The following CPA6 variants were observed in gnomAD, a reference collection of about 807,000 sequenced individuals.
CPA6 encodes carboxypeptidase A6, also known as carboxypeptidase B.
In CPA6, 58 loss-of-function variants were observed where a neutral mutation model predicts 63.3. That is an observed-to-expected ratio of 0.92 (90% CI 0.74 to 1.14). The LOEUF is 1.14. Among genes scored for constraint, CPA6 ranks in the 50% most tolerant of loss-of-function variants. The pLI is 0.00. For missense variants in CPA6, 565 were observed against 526.6 expected, an observed-to-expected ratio of 1.07 and a Z score of -0.71; for synonymous variants, 185 against 179.0, an observed-to-expected ratio of 1.03 and a Z score of -0.27.
chr8:67,660,134 T>C (rs1816074826), intron 1 of CPA6, among the ~76,000 whole-genome samples: 1 of 152,066 alleles, frequency 6.6e-6, no homozygotes, highest in African/African-American at 2.4e-5. Flanking sequence ...TGTAGCATAA[T>C]GGAAAGGCTT....
intron 1 of CPA6, among the ~76,000 whole-genome samples, chr8:67,654,983 G>A (rs927434525): frequency 2.0e-5 from 3 of 152,118 alleles, no homozygotes; most frequent in African/African-American, 7.2e-5. Flanking sequence ...AGATAATGCT[G>A]CCCCTTCATT....
Position 67,427,425 on chromosome 8 carries a change from A to G in CPA6, c.1126+622T>C, listed in dbSNP as rs76146736. Among the ~76,000 whole-genome samples, 1,399 of 152,272 alleles carry G rather than the reference A, an allele frequency of 9.2e-3. 16 individuals are homozygous for G. Among genetic ancestry groups the G allele is most frequent in the African/African-American group, 0.032 (1,318 of 41,550 alleles). On this transcript the variant is annotated intron_variant, in intron 10 of 10. Coordinates refer to ENST00000297770, the MANE Select transcript of CPA6 (RefSeq NM_020361.5). ...ATCCTGTACACATAGAATTAATAAA[A>G]TTTGTATACTTTTCTCTTGTTTAAC...
chr8:67,488,748 C>A (rs1030112951), intron 6 of CPA6, among the ~76,000 whole-genome samples: 2 of 152,176 alleles, frequency 1.3e-5, no homozygotes, highest in African/African-American at 2.4e-5. Flanking sequence ...GTTTGTAGTT[C>A]TCCTTGAAGA....
At chr8:67,660,496 ATTTTTTT>A (rs5892089) in intron 1 of CPA6, among the ~76,000 whole-genome samples, 8 of 78,922 alleles carry the variant, frequency 1.0e-4, no homozygotes, top group African/African-American at 1.8e-4. Flanking sequence ...TGCCCGGCTC[ATTTTTTT>A]TTTTTTTTTT....
chr8:67,503,472 T>A (rs969167751), intron 6 of CPA6, among the ~76,000 whole-genome samples: 102 of 140,870 alleles, frequency 7.2e-4, no homozygotes, highest in African/African-American at 2.9e-3. Context: ...AATTAAATTT[T>A]TTTTTTTTTT....
chr8:67,458,741 C>T (rs961991866), intron 8 of CPA6, among the ~76,000 whole-genome samples: 5 of 152,182 alleles, frequency 3.3e-5, no homozygotes, highest in African/African-American at 1.2e-4. Context: ...GGTTAAAGAC[C>T]TTAACAGACA....
At chr8:67,594,216 C>T (rs200609561) in intron 2 of CPA6, among the ~76,000 whole-genome samples, 2 of 152,208 alleles carry the variant, frequency 1.3e-5, no homozygotes, top group East Asian at 3.8e-4. Context: ...TTGGCCCCCA[C>T]TCTCTTCTGG....
At chr8:67,600,456 A>C (rs186023570) in intron 2 of CPA6, among the ~76,000 whole-genome samples, 15 of 152,308 alleles carry the variant, frequency 9.8e-5, no homozygotes, top group African/African-American at 3.6e-4. Flanking sequence ...TGTGATGACT[A>C]CAGTTAATAA....
chr8:67,657,297 A>G (rs1309011945), intron 1 of CPA6, among the ~76,000 whole-genome samples: 1 of 152,002 alleles, frequency 6.6e-6, no homozygotes, highest in Non-Finnish European at 1.5e-5. Flanking sequence ...GTGATTGTGA[A>G]TAGGAATAAA....
chr8:67,614,756 A>C (rs1587636247), intron 2 of CPA6, among the ~76,000 whole-genome samples: 1 of 151,964 alleles, frequency 6.6e-6, no homozygotes, highest in Non-Finnish European at 1.5e-5. Flanking sequence ...AACTCTCTAA[A>C]ACTCCCATGC....
intron 2 of CPA6, among the ~76,000 whole-genome samples, chr8:67,561,149 G>A (rs1813201457): frequency 6.6e-6 from 1 of 151,976 alleles, no homozygotes; most frequent in African/African-American, 2.4e-5. Context: ...ACTACAAATT[G>A]CTTATAGAAC....
chr8:67,472,311 T>C (rs560185980), intron 8 of CPA6, among the ~76,000 whole-genome samples: 54 of 149,800 alleles, frequency 3.6e-4, no homozygotes, highest in African/African-American at 1.2e-3. Context: ...ACTTCAAAAA[T>C]AGCATTTTTA....
At chr8:67,722,365 C>T (rs1817517577) in intron 1 of CPA6, among the ~76,000 whole-genome samples, 1 of 152,168 alleles carries the variant, frequency 6.6e-6, no homozygotes, top group Admixed American at 6.6e-5. Flanking sequence ...CAATTCAGTA[C>T]ATCTGGGGCA....
At chr8:67,582,746 C>CCTT (rs1554676677) in intron 2 of CPA6, among the ~76,000 whole-genome samples, 1 of 151,904 alleles carries the variant, frequency 6.6e-6, no homozygotes, top group South Asian at 2.1e-4. Context: ...TTTTTCATGT[C>CCTT]AGTCATGGTT....
At chr8:67,438,996 G>GA (rs906346545) in intron 8 of CPA6, among the ~76,000 whole-genome samples, 3 of 152,028 alleles carry the variant, frequency 2.0e-5, no homozygotes, top group Non-Finnish European at 4.4e-5. Flanking sequence ...AAGGAAAAAA[G>GA]AAAAAAGAAG....
In CPA6 at chr8:67,434,045, C is replaced by G; in HGVS notation, c.1034G>C (p.Arg345Thr). Residue 345 changes from arginine (R) to threonine (T), a missense_variant, in exon 9 of 11, where the codon AGA (arginine) becomes ACA (threonine). Arg to Thr is a moderately conservative substitution (Grantham distance 71). Coordinates refer to ENST00000297770, the MANE Select transcript of CPA6 (RefSeq NM_020361.5). ...SYKYATIPNFRCVESAAYKAV... is the reference protein window; with the variant it reads ...SYKYATIPNFTCVESAAYKAV... ...ACAGGGTCAAATACTTACCACACAT[C>G]TAAAATTGGGAATTGTTGCATATTT... 1 of 1,610,298 alleles carries G rather than the reference C, an allele frequency of 6.2e-7. No homozygotes were observed. The highest frequency in any genetic ancestry group is 8.5e-7 in the Non-Finnish European group (1 of 1,177,576).
intron 7 of CPA6, among the ~76,000 whole-genome samples, chr8:67,484,092 CAG>C (rs1196374075): frequency 2.0e-5 from 3 of 150,012 alleles, no homozygotes; most frequent in African/African-American, 7.4e-5. Flanking sequence ...TTTTTTGAGA[CAG>C]AGTCTCGCTC....
intron 8 of CPA6, among the ~76,000 whole-genome samples, chr8:67,452,834 T>A (rs1270962300): frequency 2.0e-5 from 3 of 152,134 alleles, no homozygotes. Context: ...CTTGTAGAAC[T>A]CAAGGAGTTG....
In CPA6 at chr8:67,476,553, C is replaced by CTTTTTTT. The variant is rs71554607; in HGVS notation, c.838+7208_838+7214dup. On this transcript the variant is annotated intron_variant, in intron 8 of 10. Transcript: ENST00000297770. Reference sequence around the variant, plus strand: ...ACATTCCCAATCTCTCTCTCTCTCTCTTTTTTTTTTTTTGTCTATTTCATT... The same window carrying CTTTTTTT: ...ACATTCCCAATCTCTCTCTCTCTCTCTTTTTTTTTTTTTTTTTTTTGTCTATTTCATT... Among the ~76,000 whole-genome samples, 207 of 142,006 alleles carry CTTTTTTT rather than the reference C, an allele frequency of 1.5e-3. 1 individual carries two copies. The highest frequency in any genetic ancestry group is 4.5e-3 in the African/African-American group (171 of 38,160). 93.2% of individuals were successfully genotyped at this position (142,006 alleles called of 152,430 possible).
Sources: gnomAD v4.1 joint callset for allele counts (sites outside exome capture counted in the v4.1 genomes callset) on GRCh38, gnomAD v4.1.1 for gene constraint, MANE v1.5 for transcripts, NCBI Gene and HGNC (gene_info 2026-07-23, HGNC 2026-07-21) for gene names.